Variants in MAP2 observed in about 807,000 individuals in gnomAD.
The protein encoded by MAP2 is microtubule associated protein 2, also known as microtubule-associated protein 2.
Under a neutral mutation model 137.6 loss-of-function variants are expected in MAP2, and 14 were observed. That is an observed-to-expected ratio of 0.10 (90% CI 0.07 to 0.16). MAP2 has a LOEUF of 0.16. Ranked by LOEUF, MAP2 falls within the 10% of genes least tolerant of loss-of-function variation. The pLI is 1.00. For missense variants in MAP2, 2,088 were observed against 2,191.5 expected (o/e 0.95, Z 0.94); for synonymous variants, 786 against 782.3 (o/e 1.00, Z -0.08).
At chr2:209,642,607 C>A (rs899897312) in intron 4 of MAP2, among the ~76,000 whole-genome samples, 7 of 152,030 alleles carry the variant, frequency 4.6e-5, no homozygotes, top group Non-Finnish European at 8.8e-5. Flanking sequence ...ATGCACCCAC[C>A]AGCTCTCTTC....
chr2:209,477,195 A>C (rs1456201035), intron 1 of MAP2, among the ~76,000 whole-genome samples: 1 of 152,224 alleles, frequency 6.6e-6, no homozygotes, highest in African/African-American at 2.4e-5. Flanking sequence ...GGAAACAATG[A>C]AAGTGATCCA....
intron 13 of MAP2, among the ~76,000 whole-genome samples, 173 bp from the exon 14 acceptor site, chr2:209,725,536 G>T (rs913956843): frequency 1.8e-4 from 27 of 152,092 alleles, no homozygotes; most frequent in Non-Finnish European, 2.6e-4. Flanking sequence ...CAAACATGTG[G>T]GAGAATATAT....
chr2:209,700,832 T>C (rs2061573068), intron 11 of MAP2, among the ~76,000 whole-genome samples: 1 of 152,172 alleles, frequency 6.6e-6, no homozygotes, highest in South Asian at 2.1e-4. Flanking sequence ...TTTTTTTCTA[T>C]ACATTTATAG....
chr2:209,528,965 C>A (rs748811845), intron 2 of MAP2, among the ~76,000 whole-genome samples: 1 of 151,516 alleles, frequency 6.6e-6, no homozygotes, highest in African/African-American at 2.4e-5. Flanking sequence ...TATCCTCAAT[C>A]ATTTTTTCAC....
At chr2:209,558,303 C>T (rs969278766) in intron 2 of MAP2, among the ~76,000 whole-genome samples, 1 of 152,150 alleles carries the variant, frequency 6.6e-6, no homozygotes, top group African/African-American at 2.4e-5. Context: ...ATTCTCCTGC[C>T]TCAGCCTCCC....
chr2:209,721,013 A>G (rs2070554950), intron 13 of MAP2, among the ~76,000 whole-genome samples: 1 of 151,606 alleles, frequency 6.6e-6, no homozygotes, highest in African/African-American at 2.4e-5. Context: ...TTTCTATTTT[A>G]TGAAATGGCT....
At chr2:209,553,994 C>T (rs976304336) in intron 2 of MAP2, among the ~76,000 whole-genome samples, 3 of 152,098 alleles carry the variant, frequency 2.0e-5, no homozygotes, top group African/African-American at 7.2e-5. Context: ...ACAACTGACT[C>T]GAGAGTGGGT....
At chr2:209,703,783 C>G (rs1344640044) in intron 11 of MAP2, among the ~76,000 whole-genome samples, 1 of 152,030 alleles carries the variant, frequency 6.6e-6, no homozygotes, top group African/African-American at 2.4e-5. Context: ...ATCTATCCAC[C>G]CACTCATCAT....
At chr2:209,632,444 A>C (rs2093169093) in intron 4 of MAP2, among the ~76,000 whole-genome samples, 1 of 152,188 alleles carries the variant, frequency 6.6e-6, no homozygotes, top group African/African-American at 2.4e-5. Context: ...AGAAAATGAC[A>C]TTTAAGTCAA....
chr2:209,424,712 G>A (rs952873399), intron 1 of MAP2, among the ~76,000 whole-genome samples: 15 of 152,200 alleles, frequency 9.9e-5, no homozygotes, highest in Non-Finnish European at 2.2e-4. Flanking sequence ...ACTGCACACT[G>A]GGAAGTGAGT....
At chr2:209,700,852 C>A in intron 11 of MAP2, among the ~76,000 whole-genome samples, 1 of 152,006 alleles carries the variant, frequency 6.6e-6, no homozygotes, top group East Asian at 1.9e-4. Flanking sequence ...GGCTTAACAA[C>A]AAAAATGAGA....
At chr2:209,476,090 C>G (rs997433773) in intron 1 of MAP2, among the ~76,000 whole-genome samples, 1 of 151,948 alleles carries the variant, frequency 6.6e-6, no homozygotes, top group Non-Finnish European at 1.5e-5. Context: ...TTCTTATCAT[C>G]CAGAATAGAG....
At chr2:209,703,957 T>A in intron 11 of MAP2, 1 of 455,672 alleles carries the variant, frequency 2.2e-6, no homozygotes, top group Non-Finnish European at 4.4e-6. Context: ...TTTATTTGTA[T>A]AACAGATTTT....
At chr2:209,496,291 A>G (rs1260318303) in intron 1 of MAP2, among the ~76,000 whole-genome samples, 2 of 152,208 alleles carry the variant, frequency 1.3e-5, no homozygotes, top group Non-Finnish European at 2.9e-5. Context: ...CAGTCTGGGC[A>G]GGCAGGGTAT....
chr2:209,692,641 G>C lies in MAP2; in HGVS notation c.471G>C (p.Ser157=). Residue 157 remains serine, a synonymous_variant, in exon 8 of 16, where the codon TCG becomes TCC. Transcript: ENST00000682079. The stretch of plus-strand genomic sequence containing the variant: ...TTACTTCAGATTTACTTACAGCCTC[G>C]AAGATGGAGTTCCACGATCAACAGG... ...VTVEEDLLTA[S]KMEFHDQQEL... 1.3e-6 allele frequency: 2 copies of C among 1,578,220 alleles called. No individual in the cohort carries two copies. The highest frequency in any genetic ancestry group is 1.7e-6 in the Non-Finnish European group (2 of 1,167,424).
At chr2:209,644,156 A>C (rs1236122127) in intron 4 of MAP2, among the ~76,000 whole-genome samples, 1 of 152,220 alleles carries the variant, frequency 6.6e-6, no homozygotes, top group Non-Finnish European at 1.5e-5. Flanking sequence ...TGTAAGACAC[A>C]CTGGAATGGA....
At chr2:209,501,869 A>T (rs1381913706) in intron 1 of MAP2, among the ~76,000 whole-genome samples, 2 of 152,202 alleles carry the variant, frequency 1.3e-5, no homozygotes, top group Non-Finnish European at 1.5e-5. Context: ...TCTCCTTAAG[A>T]TAAGAAAAGC....
chr2:209,680,681 C>G lies in MAP2; in HGVS notation c.377-69C>G, dbSNP rs1312303892. 10 of 1,338,664 alleles carry G rather than the reference C, an allele frequency of 7.5e-6. No individual in the cohort carries two copies. In the Admixed American group the frequency reaches 1.7e-4, roughly 23 times the overall value. 82.9% of individuals were successfully genotyped at this position (1,338,664 alleles called of 1,614,324 possible). ...AGAGGTCTTTTTACAAATGGCAGAA[C>G]TTCCTACACATCTACCAGCCTAAAA... On this transcript the variant is annotated intron_variant, in intron 6 of 15. Coordinates refer to ENST00000682079, the MANE Select transcript of MAP2 (RefSeq NM_001375505.1).
rs1446284685 is a variant in MAP2, at chr2:209,477,204, C to CA, written c.-221-30387dup. Reference sequence around the variant, plus strand: ...AGATTTGGAAACAATGAAAGTGATCCATTCACTTTTTCATATACAAAAAAT... The same window carrying CA: ...AGATTTGGAAACAATGAAAGTGATCCAATTCACTTTTTCATATACAAAAAAT... On this transcript the variant is annotated intron_variant, in intron 1 of 15. Coordinates refer to ENST00000682079, the MANE Select transcript of MAP2 (RefSeq NM_001375505.1). Among the ~76,000 whole-genome samples, 3 of 152,064 alleles carry CA rather than the reference C, an allele frequency of 2.0e-5. No homozygotes were observed. The East Asian group carries it at 5.8e-4, about 29-fold the overall frequency.
Sources: allele counts gnomAD v4.1 joint callset (sites outside exome capture counted in the v4.1 genomes callset), GRCh38; gene constraint gnomAD v4.1.1; transcripts MANE v1.5; gene names NCBI Gene and HGNC (gene_info 2026-07-23, HGNC 2026-07-21).